Variants in SNRPN observed in about 807,000 individuals in gnomAD.
The protein encoded by SNRPN is small nuclear ribonucleoprotein-associated protein N.
In SNRPN, 7 loss-of-function variants were observed where a neutral mutation model predicts 25.2. The observed-to-expected ratio is 0.28, with a 90% CI of 0.16 to 0.52. The LOEUF (loss-of-function observed/expected upper bound fraction) is 0.52, where lower values mean the gene tolerates loss of function less well. SNRPN is among the 20% of genes least tolerant of loss of function. SNRPN has a pLI of 0.96. For missense variants in SNRPN, 196 were observed against 322.5 expected (o/e 0.61, Z 3.00); for synonymous variants, 124 against 110.6 (o/e 1.12, Z -0.76).
intron 2 of SNRPN, among the ~76,000 whole-genome samples, chr15:24,834,751 C>CTCTCTCTCTCTATA: frequency 0.014 from 833 of 60,912 alleles, 16 homozygotes; most frequent in Non-Finnish European, 0.017. Flanking sequence ...CTCTCTCTCT[C>CTCTCTCTCTCTATA]TATATATATA....
chr15:24,926,791 G>A (rs2060413534), intron 3 of SNRPN, among the ~76,000 whole-genome samples: 1 of 152,010 alleles, frequency 6.6e-6, no homozygotes, highest in African/African-American at 2.4e-5. Flanking sequence ...GATTGCTTGA[G>A]GCCAGGAGTT....
intron 1 of SNRPN, among the ~76,000 whole-genome samples, chr15:24,877,536 C>T (rs2056046813): frequency 6.6e-6 from 1 of 152,170 alleles, no homozygotes; most frequent in Non-Finnish European, 1.5e-5. Flanking sequence ...TTAAAAAATG[C>T]AACCTAGGCC....
chr15:24,835,154 A>G (rs1201481155), intron 2 of SNRPN, among the ~76,000 whole-genome samples: 1 of 62,920 alleles, frequency 1.6e-5, no homozygotes, highest in African/African-American at 5.3e-5. Flanking sequence ...TATATATAAA[A>G]TATATAGTAT....
chr15:24,851,837 C>G (rs2052873653), upstream of SNRPN: 1 of 152,176 alleles, frequency 6.6e-6, no homozygotes, highest in East Asian at 1.9e-4. Flanking sequence ...ACTAAGGGAA[C>G]TTGGATGCTC....
chr15:24,866,124 T>TA (rs1399872328), intron 1 of SNRPN, among the ~76,000 whole-genome samples: 6 of 152,186 alleles, frequency 3.9e-5, no homozygotes, highest in African/African-American at 1.4e-4. Context: ...ATTTCCCTGA[T>TA]AATTTTTCTG....
intron 1 of SNRPN, among the ~76,000 whole-genome samples, chr15:24,860,002 G>A (rs536216209): frequency 1.3e-5 from 2 of 152,248 alleles, no homozygotes; most frequent in Admixed American, 6.5e-5. Context: ...TGTATCTTGT[G>A]CCAGTCTCCT....
At chr15:24,877,881 G>T (rs921980691) in intron 1 of SNRPN, among the ~76,000 whole-genome samples, 5 of 152,154 alleles carry the variant, frequency 3.3e-5, no homozygotes, top group Non-Finnish European at 7.4e-5. Context: ...GTCCAGCAAC[G>T]ATACAGGGAA....
In SNRPN at chr15:24,936,973, G is replaced by C. The variant is rs115178112; in HGVS notation, c.-391+16849G>C. ...TAAAGTAATAAAACCGGCCAGGTGC[G>C]ATGGCTCACGTGTGTAATCCCAGCA... On this transcript the variant is annotated intron_variant, in intron 3 of 11. Transcript: ENST00000400097. 1.7e-3 allele frequency among the ~76,000 whole-genome samples: 253 copies of C among 152,222 alleles called. 2 individuals are homozygous for C. The highest frequency in any genetic ancestry group is 6.0e-3 in the African/African-American group (249 of 41,544).
chr15:24,908,400 G>C (rs1361282751), intron 2 of SNRPN, among the ~76,000 whole-genome samples: 1 of 152,162 alleles, frequency 6.6e-6, no homozygotes, highest in African/African-American at 2.4e-5. Flanking sequence ...CGATTCTGAC[G>C]AGGCTTCAGA....
chr15:24,972,107 T>TA (rs1274101260), intron 3 of SNRPN, among the ~76,000 whole-genome samples: 1 of 151,792 alleles, frequency 6.6e-6, no homozygotes, highest in African/African-American at 2.4e-5. Context: ...AATACAAAAA[T>TA]TAGCCGGGTG....
At chr15:24,908,985 C>G in intron 2 of SNRPN, 1 of 1,406,354 alleles carries the variant, frequency 7.1e-7, no homozygotes, top group Non-Finnish European at 1.0e-6. Context: ...TTTTGAGCTA[C>G]CCAATCCTTC....
intron 3 of SNRPN, among the ~76,000 whole-genome samples, chr15:24,922,425 A>G (rs1212109178): frequency 1.3e-5 from 2 of 152,192 alleles, no homozygotes; most frequent in African/African-American, 4.8e-5. Flanking sequence ...ATATATAGGG[A>G]AAAATTGCAT....
At chr15:24,942,288 G>C (rs539550465) in intron 3 of SNRPN, 1 of 152,120 alleles carries the variant, frequency 6.6e-6, no homozygotes, top group Non-Finnish European at 1.5e-5. Flanking sequence ...TGTCAACCCC[G>C]ACTATGGGAG....
rs769394507 is a variant in SNRPN at position 24,901,344 on chromosome 15, C to T, written c.-505+14755C>T. Among the ~76,000 whole-genome samples, 100 of 152,026 alleles carry T rather than the reference C, an allele frequency of 6.6e-4. 2 individuals carry two copies. The highest frequency in any genetic ancestry group is 9.2e-4 in the Admixed American group (14 of 15,254). On this transcript the variant is annotated intron_variant, in intron 2 of 11. Coordinates refer to the SNRPN transcript ENST00000400097. The stretch of plus-strand genomic sequence containing the variant: ...TGGTAGCTAACTGATCACAGGGTCC[C>T]TAGAATGAAATAGATGAGAAGCATA...
rs560568650 is a variant in SNRPN, at chr15:24,931,931, G to T, written c.-391+11807G>T. Among the ~76,000 whole-genome samples, 9 of 151,206 alleles carry T rather than the reference G, an allele frequency of 6.0e-5. 1 individual carries two copies. In the South Asian group the frequency reaches 1.9e-3, roughly 32 times the overall value. On this transcript the variant is annotated intron_variant, in intron 3 of 11. Coordinates refer to the SNRPN transcript ENST00000400097. Reference sequence around the variant, plus strand: ...GGAGGGAGTTGAGTTGTGGGGTAGGGTATGCTCAGTTGAGTCAGAGAAGTA... The same window carrying T: ...GGAGGGAGTTGAGTTGTGGGGTAGGTTATGCTCAGTTGAGTCAGAGAAGTA...
At chr15:24,947,411 A>C (rs1324112142) in intron 3 of SNRPN, among the ~76,000 whole-genome samples, 2 of 152,202 alleles carry the variant, frequency 1.3e-5, no homozygotes, top group Non-Finnish European at 2.9e-5. Flanking sequence ...CAAGTGGATC[A>C]CGAGGTCAGG....
intron 2 of SNRPN, among the ~76,000 whole-genome samples, chr15:24,888,339 C>A (rs1400334141): frequency 1.3e-5 from 2 of 152,070 alleles, no homozygotes; most frequent in East Asian, 3.9e-4. Context: ...AACTCCAGAC[C>A]TCGTGATCCA....
At chr15:24,966,442 G>A (rs12594564) in intron 2 of SNRPN, among the ~76,000 whole-genome samples, 3 of 152,170 alleles carry the variant, frequency 2.0e-5, no homozygotes, top group East Asian at 3.9e-4. Context: ...GATTTTTGTT[G>A]GGGATTCATT....
intron 1 of SNRPN, among the ~76,000 whole-genome samples, chr15:24,883,781 G>A (rs969620384): frequency 6.6e-6 from 1 of 152,130 alleles, no homozygotes; most frequent in Non-Finnish European, 1.5e-5. Context: ...GGAGGCTGAA[G>A]CAGGTGTATC....
Sources: gnomAD v4.1 joint callset for allele counts (sites outside exome capture counted in the v4.1 genomes callset) on GRCh38, gnomAD v4.1.1 for gene constraint, MANE v1.5 for transcripts, NCBI Gene and HGNC (gene_info 2026-07-23, HGNC 2026-07-21) for gene names.